Variants in ADGRA3 observed in about 807,000 individuals in gnomAD.
ADGRA3 encodes G-protein coupled receptor 125.
In ADGRA3, 56 loss-of-function variants were observed where a neutral mutation model predicts 119.8. The observed-to-expected ratio is 0.47, with a 90% CI of 0.38 to 0.58. The LOEUF (loss-of-function observed/expected upper bound fraction) is 0.58, where lower values mean the gene tolerates loss of function less well. Among genes scored for constraint, ADGRA3 ranks in the 20% least tolerant of loss-of-function variants. The pLI, the probability that ADGRA3 is intolerant of heterozygous loss-of-function variation, is 0.00. For synonymous variants in ADGRA3, 607 were observed against 623.8 expected (o/e 0.97, Z 0.40); for missense variants, 1,516 against 1,649.0 (o/e 0.92, Z 1.40).
intron 12 of ADGRA3, among the ~76,000 whole-genome samples, chr4:22,419,021 G>T (rs372663642): frequency 6.6e-6 from 1 of 152,142 alleles, no homozygotes; most frequent in Non-Finnish European, 1.5e-5. Context: ...CAAAGTTACC[G>T]TGGTTTGTGC....
intron 12 of ADGRA3, chr4:22,414,595 C>T (rs761349715): frequency 4.3e-6 from 3 of 698,798 alleles, no homozygotes; most frequent in Non-Finnish European, 7.8e-6. Flanking sequence ...TCCATATTCA[C>T]CGGAATTTCC....
intron 16 of ADGRA3, chr4:22,394,900 A>G (rs143984681): frequency 6.6e-6 from 1 of 152,202 alleles, no homozygotes; most frequent in Admixed American, 6.5e-5. Context: ...GCAAATCACT[A>G]AATATTCTAC....
chr4:22,476,882 G>C (rs185487732), intron 1 of ADGRA3, among the ~76,000 whole-genome samples: 1 of 152,140 alleles, frequency 6.6e-6, no homozygotes, highest in African/African-American at 2.4e-5. Flanking sequence ...GGCCAGGCTG[G>C]TTTCGAACTC....
chr4:22,414,468 T>A, intron 12 of ADGRA3: 1 of 457,086 alleles, frequency 2.2e-6, no homozygotes, highest in Middle Eastern at 5.0e-4. Flanking sequence ...TATTCAGCAT[T>A]CAGTAAAAAA....
At chr4:22,461,838 A>G (rs1195307985) in intron 2 of ADGRA3, 30 bp from the exon 3 acceptor site, 4 of 1,379,080 alleles carry the variant, frequency 2.9e-6, no homozygotes, top group South Asian at 2.4e-5. Context: ...AGTTATTCAC[A>G]TATCAACACT....
rs75395657 is a variant in ADGRA3, at chr4:22,504,083, T to C, written c.257+11445A>G. ...AATAGAATGAAGCCTAAATTGTCCA[T>C]GGTGAGGGTGATGGATAATTTAGCC... On this transcript the variant is annotated intron_variant, in intron 1 of 18. Transcript: ENST00000334304. Among the ~76,000 whole-genome samples the C allele has an allele frequency of 1.3e-4, 20 of 152,216 alleles. No individual in the cohort carries two copies. The East Asian group carries it at 3.7e-3, about 28-fold the overall frequency.
At position 22,455,931 on chromosome 4, in the gene ADGRA3, A is replaced by G. The variant is rs116320286; in HGVS notation, c.402-994T>C. On this transcript the variant is annotated intron_variant, in intron 3 of 18. Coordinates refer to ENST00000334304, the MANE Select transcript of ADGRA3 (RefSeq NM_145290.4). ...ACTTGGAATAATTCATCACACTTTG[A>G]ATTCTGACAGAATAATTAGAATAAG... The G allele has an allele frequency of 1.0e-3, 726 of 705,148 alleles. 4 individuals are homozygous for G. In the African/African-American group the frequency reaches 0.012, roughly 12 times the overall value. 43.7% of individuals were successfully genotyped at this position (705,148 alleles called of 1,614,324 possible).
chr4:22,433,100 C>A (rs1716252640), intron 10 of ADGRA3, among the ~76,000 whole-genome samples: 2 of 152,116 alleles, frequency 1.3e-5, no homozygotes, highest in African/African-American at 4.8e-5. Context: ...GTCACTGCAT[C>A]ACACGCAATA....
At chr4:22,495,869 A>G (rs1718804121) in intron 1 of ADGRA3, among the ~76,000 whole-genome samples, 1 of 152,120 alleles carries the variant, frequency 6.6e-6, no homozygotes, top group East Asian at 1.9e-4. Context: ...AGATCACGCC[A>G]CTACACTGCA....
intron 3 of ADGRA3, among the ~76,000 whole-genome samples, 158 bp downstream of exon 3, chr4:22,461,579 C>T (rs968786688): frequency 3.3e-5 from 5 of 152,210 alleles, no homozygotes; most frequent in African/African-American, 4.8e-5. Context: ...GGAATACAGG[C>T]GTGAGCCACT....
intron 12 of ADGRA3, among the ~76,000 whole-genome samples, chr4:22,418,606 G>A (rs2109031031): frequency 6.6e-6 from 1 of 152,186 alleles, no homozygotes; most frequent in South Asian, 2.1e-4. Context: ...GAGAGAGAGG[G>A]AAGACGTCAA....
Position 22,461,615 on chromosome 4 carries a change from G to GCT in ADGRA3, c.401+121_401+122insAG, listed in dbSNP as rs1383150238. 4 of 648,384 alleles carry GCT rather than the reference G, an allele frequency of 6.2e-6. No homozygotes were observed. In the African/African-American group the frequency reaches 7.4e-5, roughly 12 times the overall value. The allele number at this position is 648,384 out of a possible 1,614,324, so 40.2% of individuals were successfully genotyped here. On this transcript the variant is annotated intron_variant, in intron 3 of 18. Transcript: ENST00000334304. ...GTGCCCAGCCTCTTTCTGTATCAGGGACCTGGCCAGGTAAAGCTCAAAAAA... is the reference window on the plus strand; with the variant it reads ...GTGCCCAGCCTCTTTCTGTATCAGGGCTACCTGGCCAGGTAAAGCTCAAAAAA...
chr4:22,401,482 C>A lies in ADGRA3; in HGVS notation c.2430G>T (p.Val810=), dbSNP rs1714645948. 1 of 1,611,922 alleles carries A rather than the reference C, an allele frequency of 6.2e-7. No individual in the cohort carries two copies. Among genetic ancestry groups the A allele is most frequent in the Non-Finnish European group, 8.5e-7 (1 of 1,178,880 alleles). The change falls in exon 16 of 19, where the codon GTG becomes GTT. Residue 810 remains valine (V), a synonymous_variant. Coordinates refer to ENST00000334304, the MANE Select transcript of ADGRA3 (RefSeq NM_145290.4). ...NLCFHIFLTC[V]VFVGGITQTR... ...TCTGGGTTATTCCTCCCACAAAGACCACACAGGTTAGGAAAATATGAAAGC... is the reference window on the plus strand; with the variant it reads ...TCTGGGTTATTCCTCCCACAAAGACAACACAGGTTAGGAAAATATGAAAGC...
chr4:22,515,703 G>A lies in ADGRA3; in HGVS notation c.82C>T (p.Leu28=). 1.9e-6 allele frequency: 2 copies of A among 1,067,494 alleles called. No individual in the cohort carries two copies. The highest frequency in any genetic ancestry group is 2.2e-6 in the Non-Finnish European group (2 of 888,994). 66.1% of individuals were successfully genotyped at this position (1,067,494 alleles called of 1,614,324 possible). Residue 28 remains leucine, a synonymous_variant, in exon 1 of 19, where the codon CTG becomes TTG. Coordinates refer to ENST00000334304, the MANE Select transcript of ADGRA3 (RefSeq NM_145290.4). ...GCGCCGCCGCCGCCGCCGCCTCCCA[G>A]CAGCGCGAGCAGCGCTAACAGCGAG... The part of the protein sequence containing the change: ...PLSLLALLAL[L]GGGGGGGAAA...
intron 1 of ADGRA3, among the ~76,000 whole-genome samples, chr4:22,480,267 AGG>A (rs1718220801): frequency 6.6e-6 from 1 of 152,208 alleles, no homozygotes; most frequent in Non-Finnish European, 1.5e-5. Flanking sequence ...CTTAGTCATG[AGG>A]GAAACACAAA....
chr4:22,491,216 G>A (rs561285329), intron 1 of ADGRA3, among the ~76,000 whole-genome samples: 68 of 152,206 alleles, frequency 4.5e-4, no homozygotes, highest in African/African-American at 1.5e-3. Context: ...TAAAATTCAC[G>A]AGAAGAGTAA....
intron 15 of ADGRA3, 63 bp from the exon 16 acceptor site, chr4:22,401,617 T>C: frequency 8.2e-7 from 1 of 1,225,180 alleles, no homozygotes; most frequent in Non-Finnish European, 1.1e-6. Flanking sequence ...AACTATGATG[T>C]TCATCTTAAT....
intron 16 of ADGRA3, among the ~76,000 whole-genome samples, chr4:22,398,615 T>C (rs1714471224): frequency 6.6e-6 from 1 of 152,184 alleles, no homozygotes; most frequent in South Asian, 2.1e-4. Context: ...AGTGGGCTGT[T>C]TATTTTAGTG....
At chr4:22,470,142 C>T (rs16872718) in intron 2 of ADGRA3, among the ~76,000 whole-genome samples, 3,790 of 152,156 alleles carry the variant, frequency 0.025, 50 homozygotes, top group Middle Eastern at 0.065. Flanking sequence ...CATCTTTTTA[C>T]GATTTTAATT....
Sources: gnomAD v4.1 joint callset for allele counts (sites outside exome capture counted in the v4.1 genomes callset) on GRCh38, gnomAD v4.1.1 for gene constraint, MANE v1.5 for transcripts, NCBI Gene and HGNC (gene_info 2026-07-23, HGNC 2026-07-21) for gene names.